Variants in TF observed in about 807,000 individuals in gnomAD.
The protein encoded by TF is transferrin.
A neutral mutation model predicts 82.4 loss-of-function variants in TF; 55 were observed. The ratio of observed to expected loss-of-function variants is 0.67; its 90% CI spans 0.54 to 0.84. TF has a LOEUF of 0.84. Ranked by LOEUF, TF falls within the 40% of genes least tolerant of loss-of-function variation. The pLI, the probability that TF is intolerant of heterozygous loss-of-function variation, is 0.00. For synonymous variants in TF, 332 were observed against 332.6 expected (o/e 1.00, Z 0.02); for missense variants, 737 against 868.4 (o/e 0.85, Z 1.90).
the TF span, among the ~76,000 whole-genome samples, chr3:133,740,804 G>A: frequency 6.6e-6 from 1 of 151,474 alleles, no homozygotes; most frequent in Non-Finnish European, 1.5e-5. Flanking sequence ...CATTTACTTT[G>A]AGTTTCTTAA....
In TF at chr3:133,786,351, T is replaced by C. The variant is rs1311837663; in HGVS notation, c.*7731T>C. 1 of 152,162 alleles carries C rather than the reference T, an allele frequency of 6.6e-6. No homozygotes were observed. The highest frequency in any genetic ancestry group is 2.4e-5 in the African/African-American group (1 of 41,424). 9.4% of individuals were successfully genotyped at this position (152,162 alleles called of 1,614,324 possible). On this transcript the variant is annotated 3_prime_UTR_variant, in exon 17 of 17. Coordinates refer to ENST00000402696, the MANE Select transcript of TF (RefSeq NM_001063.4). ...GTAAATCTTTTTGTTAAAATTCATA[T>C]GTAATGTTGTTTTGGTTGGGGGGGG...
Position 133,782,198 on chromosome 3 carries a change from G to A in TF, c.*3578G>A, listed in dbSNP as rs1934529028. On this transcript the variant is annotated 3_prime_UTR_variant, in exon 17 of 17. Coordinates refer to ENST00000402696, the MANE Select transcript of TF (RefSeq NM_001063.4). Reference sequence around the variant, plus strand: ...AACAGAAAACCTTTGTGCATTGTTGGTGAGAATGTACAGCCATTGTGGAAA... The same window carrying A: ...AACAGAAAACCTTTGTGCATTGTTGATGAGAATGTACAGCCATTGTGGAAA... 6.6e-6 allele frequency: 1 copy of A among 152,186 alleles called. No homozygotes were observed. Among genetic ancestry groups the A allele is most frequent in the African/African-American group, 2.4e-5 (1 of 41,436 alleles). 9.4% of individuals were successfully genotyped at this position (152,186 alleles called of 1,614,324 possible).
At chr3:133,715,147 G>C in the TF span, among the ~76,000 whole-genome samples, 1 of 152,008 alleles carries the variant, frequency 6.6e-6, no homozygotes, top group African/African-American at 2.4e-5. Context: ...AAGTGATGAG[G>C]ACCTTGTTAA....
chr3:133,687,741 AC>A, the TF span, among the ~76,000 whole-genome samples: 1 of 152,164 alleles, frequency 6.6e-6, no homozygotes, highest in Non-Finnish European at 1.5e-5. Flanking sequence ...GTTCATTTAC[AC>A]TGCAGCATGT....
the TF span, among the ~76,000 whole-genome samples, chr3:133,725,986 C>T: frequency 6.6e-6 from 1 of 152,316 alleles, no homozygotes; most frequent in Non-Finnish European, 1.5e-5. Context: ...TTGAACCAGC[C>T]TTGCATCCCA....
chr3:133,691,485 G>T, the TF span, among the ~76,000 whole-genome samples: 1,149 of 152,272 alleles, frequency 7.5e-3, 10 homozygotes, highest in African/African-American at 0.026. Flanking sequence ...TTTGTCACGT[G>T]GTTGATAAGG....
chr3:133,780,095 C>T lies in TF; in HGVS notation c.*1475C>T, dbSNP rs1934485650. 1 of 152,158 alleles carries T rather than the reference C, an allele frequency of 6.6e-6. No homozygotes were observed. The highest frequency in any genetic ancestry group is 2.4e-5 in the African/African-American group (1 of 41,420). The allele number at this position is 152,158 out of a possible 1,614,324, so 9.4% of individuals were successfully genotyped here. ...AGTGCAGATAAGGGGTATCTGGACACAACATTCCACACCTCTCTCAACTGT... is the reference window on the plus strand; with the variant it reads ...AGTGCAGATAAGGGGTATCTGGACATAACATTCCACACCTCTCTCAACTGT... On this transcript the variant is annotated 3_prime_UTR_variant, in exon 17 of 17. Coordinates refer to ENST00000402696, the MANE Select transcript of TF (RefSeq NM_001063.4).
At position 133,778,482 on chromosome 3, in the gene TF, A is replaced by G. The variant is rs41296624; in HGVS notation, c.2063-104A>G. ...CCAGTTCACAGAAGAGGAGGCAGCAAGTCTGCACACTTTGTACTATGCTGA... is the reference window on the plus strand; with the variant it reads ...CCAGTTCACAGAAGAGGAGGCAGCAGGTCTGCACACTTTGTACTATGCTGA... On this transcript the variant is annotated intron_variant, in intron 16 of 16. Coordinates refer to ENST00000402696, the MANE Select transcript of TF (RefSeq NM_001063.4). 664 of 1,277,314 alleles carry G rather than the reference A, an allele frequency of 5.2e-4. 2 individuals are homozygous for G. In the African/African-American group the frequency reaches 8.9e-3, roughly 17 times the overall value. The allele number at this position is 1,277,314 out of a possible 1,614,324, so 79.1% of individuals were successfully genotyped here.
At chr3:133,772,124 A>G (rs1162348954) in intron 14 of TF, among the ~76,000 whole-genome samples, 1 of 152,248 alleles carries the variant, frequency 6.6e-6, no homozygotes, top group African/African-American at 2.4e-5. Context: ...CTTTGGCTAC[A>G]GAAACTCTTT....
At chr3:133,764,038 G>C (rs1319734114) in intron 9 of TF, 144 bp from the exon 10 acceptor site, 2 of 730,864 alleles carry the variant, frequency 2.7e-6, no homozygotes, top group East Asian at 5.2e-5. Flanking sequence ...GTGCCTGGCT[G>C]ATCTTTTGGG....
At chr3:133,684,047 C>G in the TF span, among the ~76,000 whole-genome samples, 1 of 152,224 alleles carries the variant, frequency 6.6e-6, no homozygotes, top group Non-Finnish European at 1.5e-5. Flanking sequence ...GATTAAGAAA[C>G]TCACTCAAAA....
rs77600340 is a variant in TF at position 133,772,193 on chromosome 3, G to A, written c.1687+1621G>A. ...CTAGTGTAGCACATAGTACACAGCA[G>A]TTGCTAAGAATTTGTTTGCAGAAAT... On this transcript the variant is annotated intron_variant, in intron 14 of 16. Coordinates refer to ENST00000402696, the MANE Select transcript of TF (RefSeq NM_001063.4). 9.5e-4 allele frequency among the ~76,000 whole-genome samples: 145 copies of A among 152,286 alleles called. 1 individual carries two copies. The East Asian group carries it at 0.027, about 28-fold the overall frequency.
Position 133,777,233 on chromosome 3 carries a change from C to T in TF, c.2057C>T (p.Thr686Ile), listed in dbSNP as rs747082756. 102 of 1,612,024 alleles carry T rather than the reference C, an allele frequency of 6.3e-5. No homozygotes were observed. The highest frequency in any genetic ancestry group is 8.3e-5 in the Non-Finnish European group (98 of 1,179,920). ...KAVGNLRKCS[T>I]SSLLEACTFR... Reference sequence around the variant, plus strand: ...GTTGGTAACCTGAGAAAATGCTCCACCTCATGTGAGTAGGAGGAACAGCAT... The same window carrying T: ...GTTGGTAACCTGAGAAAATGCTCCATCTCATGTGAGTAGGAGGAACAGCAT... The change falls in exon 16 of 17, where the codon ACC (threonine) becomes ATC (isoleucine). Residue 686 changes from threonine (T) to isoleucine (I), a missense_variant. Physicochemically the swap from Thr to Ile is moderately conservative, Grantham distance 89. Transcript: ENST00000402696.
rs1207755889 is a variant in TF, at chr3:133,793,212, G to A, written c.*14592G>A. ...AGACAAGAGACAGATTGTTTGTAAA[G>A]TAAGTCTTCCATCTATCAACATGGA... On this transcript the variant is annotated 3_prime_UTR_variant, in exon 17 of 17. Transcript: ENST00000402696. 2 of 152,156 alleles carry A rather than the reference G, an allele frequency of 1.3e-5. No individual in the cohort carries two copies. Among genetic ancestry groups the A allele is most frequent in the Non-Finnish European group, 2.9e-5 (2 of 68,000 alleles). The allele number at this position is 152,156 out of a possible 1,614,324, so 9.4% of individuals were successfully genotyped here. A position where few individuals can be genotyped will look rare whatever the true frequency, so the allele number is the denominator to read the frequency against.
the TF span, among the ~76,000 whole-genome samples, chr3:133,697,977 G>A: frequency 6.6e-6 from 1 of 152,154 alleles, no homozygotes; most frequent in Admixed American, 6.5e-5. Flanking sequence ...GCAAGATTAG[G>A]CAGCATATAG....
chr3:133,724,290 T>C, the TF span, among the ~76,000 whole-genome samples: 9 of 152,350 alleles, frequency 5.9e-5, no homozygotes, highest in Non-Finnish European at 1.0e-4. Flanking sequence ...AAAGTGTTCC[T>C]ATTTCTCCAC....
intron 1 of TF, chr3:133,748,085 G>T (rs1375441461): frequency 5.0e-6 from 2 of 398,730 alleles, no homozygotes; most frequent in Non-Finnish European, 9.5e-6. Flanking sequence ...TATGTTCCAT[G>T]GGGGGCCAGG....
In TF at chr3:133,778,442, C is replaced by T. The variant is rs1231163258; in HGVS notation, c.2063-144C>T. 5 of 778,960 alleles carry T rather than the reference C, an allele frequency of 6.4e-6. No homozygotes were observed. The African/African-American group carries it at 8.7e-5, about 14-fold the overall frequency. The allele number at this position is 778,960 out of a possible 1,614,324, so 48.3% of individuals were successfully genotyped here. On this transcript the variant is annotated intron_variant, in intron 16 of 16. Transcript: ENST00000402696. ...AGCTGTGCAGGCAAGTAGAAAAGAGCACTGGGAGAACGGCCCAGTTCACAG... is the reference window on the plus strand; with the variant it reads ...AGCTGTGCAGGCAAGTAGAAAAGAGTACTGGGAGAACGGCCCAGTTCACAG...
At chr3:133,708,233 G>A in the TF span, among the ~76,000 whole-genome samples, 2 of 152,092 alleles carry the variant, frequency 1.3e-5, no homozygotes, top group Admixed American at 1.3e-4. Context: ...AAAGAATGAT[G>A]TAGCCATATC....
Sources: allele counts gnomAD v4.1 joint callset (sites outside exome capture counted in the v4.1 genomes callset), GRCh38; gene constraint gnomAD v4.1.1; transcripts MANE v1.5; gene names NCBI Gene and HGNC (gene_info 2026-07-23, HGNC 2026-07-21).